The following GALNT14 variants were observed in gnomAD, a reference collection of about 807,000 sequenced individuals.
GALNT14 encodes polypeptide N-acetylgalactosaminyltransferase 14, also known as UDP-GalNAc:polypeptide N-acetylgalactosaminyltransferase 14.
A neutral mutation model predicts 77.5 loss-of-function variants in GALNT14; 60 were observed. The ratio of observed to expected loss-of-function variants is 0.77; its 90% CI spans 0.63 to 0.96. The LOEUF (loss-of-function observed/expected upper bound fraction) is 0.96, where lower values mean the gene tolerates loss of function less well. Among genes scored for constraint, GALNT14 ranks in the 40% least tolerant of loss-of-function variants. The probability of loss-of-function intolerance (pLI) is 0.00; values close to 1 mark genes in which losing one functional copy is unlikely to be tolerated. For synonymous variants in GALNT14, 280 were observed against 281.7 expected, an observed-to-expected ratio of 0.99 and a Z score of 0.06; for missense variants, 710 against 731.0, an observed-to-expected ratio of 0.97 and a Z score of 0.33.
intron 2 of GALNT14, among the ~76,000 whole-genome samples, chr2:30,988,564 G>T (rs545904879): frequency 6.8e-6 from 1 of 147,944 alleles, no homozygotes; most frequent in Non-Finnish European, 1.5e-5. Flanking sequence ...AAATGGAGAG[G>T]GCTGTAGTGT....
intron 1 of GALNT14, among the ~76,000 whole-genome samples, chr2:31,002,523 G>A (rs1313266848): frequency 6.6e-6 from 1 of 151,852 alleles, no homozygotes; most frequent in Non-Finnish European, 1.5e-5. Flanking sequence ...GCTCCAGTCA[G>A]CCACAAGACC....
At chr2:31,056,583 G>C (rs1195792137) in intron 1 of GALNT14, among the ~76,000 whole-genome samples, 4 of 152,132 alleles carry the variant, frequency 2.6e-5, no homozygotes, top group African/African-American at 9.7e-5. Context: ...CAGGGGTTCT[G>C]GGTCTTTCGT....
chr2:31,135,775 T>C (rs139833554), intron 1 of GALNT14, among the ~76,000 whole-genome samples: 1 of 152,210 alleles, frequency 6.6e-6, no homozygotes, highest in Non-Finnish European at 1.5e-5. Context: ...GCAACTTATG[T>C]GGCCCCCCAC....
chr2:31,009,284 C>T (rs989573904), intron 1 of GALNT14, among the ~76,000 whole-genome samples: 2 of 151,638 alleles, frequency 1.3e-5, no homozygotes, highest in Non-Finnish European at 2.9e-5. Context: ...TTCCTTGGCC[C>T]TTCAGCAACA....
At chr2:31,104,919 A>G (rs1244159979) in intron 1 of GALNT14, among the ~76,000 whole-genome samples, 2 of 152,194 alleles carry the variant, frequency 1.3e-5, no homozygotes, top group Non-Finnish European at 2.9e-5. Flanking sequence ...ATTTGGTTAC[A>G]CTTTTGTGGG....
intron 11 of GALNT14, among the ~76,000 whole-genome samples, chr2:30,928,053 G>C (rs1214488403): frequency 6.6e-6 from 1 of 152,148 alleles, no homozygotes; most frequent in African/African-American, 2.4e-5. Context: ...GCTAGAGAGG[G>C]AAGGCAGTGA....
intron 2 of GALNT14, among the ~76,000 whole-genome samples, chr2:30,987,639 C>T (rs905109889): frequency 1.2e-4 from 18 of 152,110 alleles, no homozygotes; most frequent in African/African-American, 2.9e-4. Context: ...GGGTCCACAC[C>T]GCCGGTGCAT....
chr2:31,044,177 G>A (rs1469497713), intron 1 of GALNT14, among the ~76,000 whole-genome samples: 1 of 152,184 alleles, frequency 6.6e-6, no homozygotes, highest in African/African-American at 2.4e-5. Context: ...TAGAAAGACA[G>A]GCCTTTTGTC....
chr2:30,954,224 G>A (rs1196595651), intron 6 of GALNT14, among the ~76,000 whole-genome samples: 1 of 152,194 alleles, frequency 6.6e-6, no homozygotes, highest in Non-Finnish European at 1.5e-5. Context: ...GGGACAAGGG[G>A]CTGCAGAAGA....
chr2:30,900,958 C>G, the GALNT14 span, among the ~76,000 whole-genome samples: 49 of 152,230 alleles, frequency 3.2e-4, no homozygotes, highest in East Asian at 8.1e-3. Flanking sequence ...TGGCATGGAG[C>G]AGGACTAAAA....
At position 30,985,934 on chromosome 2, in the gene GALNT14, T is replaced by C. The variant is rs192375563; in HGVS notation, c.299+6904A>G. ...TGCTTTGCCATTCCAGCTGTAAAGA[T>C]TTTTATCCTATTACTGCTAAGTGAC... On this transcript the variant is annotated intron_variant, in intron 2 of 14. Coordinates refer to ENST00000349752, the MANE Select transcript of GALNT14 (RefSeq NM_024572.4). Among the ~76,000 whole-genome samples, 40 of 152,278 alleles carry C rather than the reference T, an allele frequency of 2.6e-4. No homozygotes were observed. The Middle Eastern group carries it at 0.014, about 52-fold the overall frequency.
At chr2:31,055,560 C>G (rs1338519883) in intron 1 of GALNT14, among the ~76,000 whole-genome samples, 1 of 152,122 alleles carries the variant, frequency 6.6e-6, no homozygotes, top group African/African-American at 2.4e-5. Flanking sequence ...CCCCTGCTAC[C>G]GAGTGTCTGT....
chr2:31,019,949 G>A (rs1671612097), intron 1 of GALNT14, among the ~76,000 whole-genome samples: 1 of 152,172 alleles, frequency 6.6e-6, no homozygotes, highest in African/African-American at 2.4e-5. Flanking sequence ...TTGAGTAAGG[G>A]GCGAGCGGTG....
chr2:31,022,259 C>A (rs899148664), intron 1 of GALNT14, among the ~76,000 whole-genome samples: 10 of 152,220 alleles, frequency 6.6e-5, no homozygotes, highest in African/African-American at 2.4e-4. Context: ...CAGATCAAAG[C>A]CTGCCTCCTT....
intron 1 of GALNT14, among the ~76,000 whole-genome samples, chr2:31,040,753 T>C (rs931220144): frequency 6.6e-6 from 1 of 152,348 alleles, no homozygotes; most frequent in South Asian, 2.1e-4. Flanking sequence ...CTGAATTTCC[T>C]GCCAGCCCTG....
At chr2:31,123,627 A>C (rs6760355) in intron 1 of GALNT14, among the ~76,000 whole-genome samples, 56,138 of 152,086 alleles carry the variant, frequency 0.37, 11,084 homozygotes, top group East Asian at 0.72. Flanking sequence ...TCTAATAAGC[A>C]GCCCTGTGGA....
intron 1 of GALNT14, among the ~76,000 whole-genome samples, chr2:31,132,123 G>C (rs1679024546): frequency 6.6e-6 from 1 of 152,130 alleles, no homozygotes; most frequent in Non-Finnish European, 1.5e-5. Context: ...CTGGGGGAGA[G>C]AGTGGGCTAG....
chr2:30,958,388 A>C lies in GALNT14; in HGVS notation c.466+9T>G. 6.2e-7 allele frequency: 1 copy of C among 1,613,072 alleles called. No homozygotes were observed. The highest frequency in any genetic ancestry group is 1.7e-4 in the Middle Eastern group (1 of 6,058). ...CGTGTCTAAAGAGCAAGTGAGCAAC[A>C]TGACTTACGGTCATTGCTGAAGTCA... On this transcript the variant is annotated intron_variant, in intron 4 of 14. Transcript: ENST00000349752.
chr2:30,924,079 C>T (rs747515811), intron 13 of GALNT14, 40 bp downstream of exon 13: 1 of 1,613,084 alleles, frequency 6.2e-7, no homozygotes, highest in Non-Finnish European at 8.5e-7. Context: ...CCTCCCTCTA[C>T]TGTGACACAT....
Sources: allele counts gnomAD v4.1 joint callset (sites outside exome capture counted in the v4.1 genomes callset), GRCh38; gene constraint gnomAD v4.1.1; transcripts MANE v1.5; gene names NCBI Gene and HGNC (gene_info 2026-07-23, HGNC 2026-07-21).